Variants in TNR observed in about 807,000 individuals in gnomAD.
TNR encodes tenascin R, also known as tenascin-R.
TNR carries 45 observed loss-of-function variants against 150.4 expected under a neutral mutation model. The observed-to-expected ratio is 0.30, with a 90% CI of 0.24 to 0.38. The LOEUF is 0.38. Among genes scored for constraint, TNR ranks in the 10% least tolerant of loss-of-function variants. The pLI, the probability that TNR is intolerant of heterozygous loss-of-function variation, is 1.00. For missense variants in TNR, 1,544 were observed against 1,759.1 expected (o/e 0.88, Z 2.19); for synonymous variants, 687 against 678.4 (o/e 1.01, Z -0.20).
intron 1 of TNR, among the ~76,000 whole-genome samples, chr1:175,655,833 CT>C (rs1213643054): frequency 6.6e-6 from 1 of 152,126 alleles, no homozygotes; most frequent in Non-Finnish European, 1.5e-5. Flanking sequence ...GTTTGTCACC[CT>C]TTGGTTCTGA....
chr1:175,708,010 G>GTGTCTGTT (rs1193433869), intron 1 of TNR, among the ~76,000 whole-genome samples: 9 of 110,120 alleles, frequency 8.2e-5, no homozygotes, highest in African/African-American at 3.4e-4. Context: ...AAAGAGCCAT[G>GTGTCTGTT]TGTGTGTTTG....
At chr1:175,660,636 C>A (rs1665337330) in intron 1 of TNR, among the ~76,000 whole-genome samples, 1 of 152,124 alleles carries the variant, frequency 6.6e-6, no homozygotes, top group Non-Finnish European at 1.5e-5. Flanking sequence ...ATGGGACTCA[C>A]AAAAAATACC....
intron 1 of TNR, among the ~76,000 whole-genome samples, chr1:175,669,958 C>T (rs1013623597): frequency 1.1e-4 from 16 of 152,186 alleles, no homozygotes; most frequent in African/African-American, 2.4e-5. Flanking sequence ...GGCCCTTGGT[C>T]CTCCCCAGGG....
rs564388936 is a variant in TNR, at chr1:175,700,769, C to T, written c.-165+42457G>A. Among the ~76,000 whole-genome samples, 4 of 152,320 alleles carry T rather than the reference C, an allele frequency of 2.6e-5. No homozygotes were observed. The East Asian group carries it at 7.7e-4, about 29-fold the overall frequency. ...TCACTCCTCTGCTGACACTAGCAGA[C>T]TCTAGGTCTCCACTGAAAGGCTATT... is the stretch of plus-strand genomic sequence containing the variant. On this transcript the variant is annotated intron_variant, in intron 1 of 22. Coordinates refer to ENST00000367674, the MANE Select transcript of TNR (RefSeq NM_003285.3).
intron 2 of TNR, among the ~76,000 whole-genome samples, chr1:175,448,557 G>A (rs1656163900): frequency 6.6e-6 from 1 of 152,184 alleles, no homozygotes; most frequent in Non-Finnish European, 1.5e-5. Flanking sequence ...GCAGCTCACT[G>A]TGCTCCTCTA....
intron 1 of TNR, among the ~76,000 whole-genome samples, chr1:175,617,850 T>A (rs1558039506): frequency 6.6e-6 from 1 of 152,232 alleles, no homozygotes; most frequent in Non-Finnish European, 1.5e-5. Flanking sequence ...AAAAAATCTT[T>A]ATCTTTTCAA....
In TNR at chr1:175,335,802, G is replaced by T; in HGVS notation, c.3540C>A (p.Phe1180Leu). The change falls in exon 20 of 23, where the codon TTC becomes TTA. Residue 1180 changes from phenylalanine (F) to leucine (L), a missense_variant. Transcript: ENST00000367674. ...MTTDGGGWIVFQRRQNGQTDF... is the reference protein window; with the variant it reads ...MTTDGGGWIVLQRRQNGQTDF... ...CAGTTTGGCCATTCTGCCGCCTCTG[G>T]AATACCTATGAAGGAAATAAAAAAA... 6.2e-7 allele frequency: 1 copy of T among 1,613,178 alleles called. No individual in the cohort carries two copies. Among genetic ancestry groups the T allele is most frequent in the South Asian group, 1.1e-5 (1 of 90,902 alleles).
At chr1:175,539,365 AT>A (rs1287882967) in intron 1 of TNR, among the ~76,000 whole-genome samples, 1 of 152,232 alleles carries the variant, frequency 6.6e-6, no homozygotes, top group African/African-American at 2.4e-5. Flanking sequence ...ACCTGGAGAC[AT>A]GTCCACATGG....
At chr1:175,422,720 C>T (rs1164844782) in intron 2 of TNR, among the ~76,000 whole-genome samples, 3 of 152,166 alleles carry the variant, frequency 2.0e-5, no homozygotes, top group Non-Finnish European at 2.9e-5. Flanking sequence ...TATTATTGAC[C>T]TTGGTACCTG....
At position 175,445,056 on chromosome 1, in the gene TNR, G is replaced by A. The variant is rs778384168; in HGVS notation, c.-63-38279C>T. On this transcript the variant is annotated intron_variant, in intron 2 of 22. Coordinates refer to ENST00000367674, the MANE Select transcript of TNR (RefSeq NM_003285.3). ...GAGGCCAAGGTGGGCGGATCATAAG[G>A]TTAGGAGATTGAGACCATCCTAGCT... 1.4e-4 allele frequency among the ~76,000 whole-genome samples: 21 copies of A among 152,288 alleles called. No individual in the cohort carries two copies. The Middle Eastern group carries it at 0.01, about 74-fold the overall frequency.
chr1:175,723,244 C>T (rs1351974275), intron 1 of TNR, among the ~76,000 whole-genome samples: 1 of 152,216 alleles, frequency 6.6e-6, no homozygotes, highest in Non-Finnish European at 1.5e-5. Context: ...TTGGGAGGAA[C>T]ATGACAGAGG....
rs571623002 is a variant in TNR at position 175,614,109 on chromosome 1, C to T, written c.-164-85740G>A. Among the ~76,000 whole-genome samples the T allele has an allele frequency of 1.1e-3, 163 of 152,292 alleles. 1 individual carries two copies. Among genetic ancestry groups the T allele is most frequent in the African/African-American group, 3.8e-3 (156 of 41,538 alleles). ...GATGATGTACATAGTAGATGTTCAA[C>T]AAGTTTTAGCTATTACATCTTGCTT... On this transcript the variant is annotated intron_variant, in intron 1 of 22. Coordinates refer to ENST00000367674, the MANE Select transcript of TNR (RefSeq NM_003285.3).
intron 2 of TNR, among the ~76,000 whole-genome samples, chr1:175,460,989 G>A (rs1164669823): frequency 6.6e-6 from 1 of 152,212 alleles, no homozygotes; most frequent in Non-Finnish European, 1.5e-5. Flanking sequence ...ACACATGTAT[G>A]TGCACACACT....
intron 1 of TNR, among the ~76,000 whole-genome samples, chr1:175,699,954 T>C (rs1374535289): frequency 6.6e-6 from 1 of 151,796 alleles, no homozygotes; most frequent in East Asian, 1.9e-4. Flanking sequence ...CTTGTGTTAG[T>C]CTGGGTCCTA....
At chr1:175,436,157 T>G (rs1655498838) in intron 2 of TNR, among the ~76,000 whole-genome samples, 2 of 152,202 alleles carry the variant, frequency 1.3e-5, no homozygotes, top group African/African-American at 4.8e-5. Context: ...TGGCGTTCTC[T>G]GTATTTCCTG....
intron 1 of TNR, among the ~76,000 whole-genome samples, chr1:175,678,768 T>C (rs1665943381): frequency 6.6e-6 from 1 of 152,092 alleles, no homozygotes; most frequent in South Asian, 2.1e-4. Flanking sequence ...GAAGACCAAG[T>C]GGGAAGGCAT....
intron 2 of TNR, among the ~76,000 whole-genome samples, chr1:175,464,466 A>G (rs528688320): frequency 1.6e-4 from 24 of 152,376 alleles, no homozygotes; most frequent in South Asian, 1.4e-3. Flanking sequence ...GAAGAAATAA[A>G]GAAGCAGGGA....
intron 1 of TNR, among the ~76,000 whole-genome samples, chr1:175,737,543 A>G (rs978133839): frequency 1.3e-5 from 2 of 152,188 alleles, no homozygotes; most frequent in South Asian, 2.1e-4. Context: ...ATTCCAGCCC[A>G]GAGATGTTGC....
intron 1 of TNR, among the ~76,000 whole-genome samples, chr1:175,557,488 T>C (rs534198509): frequency 6.6e-6 from 1 of 152,136 alleles, no homozygotes; most frequent in Non-Finnish European, 1.5e-5. Context: ...TTTGCAGAAT[T>C]CCCTCTCCCC....
Sources: gnomAD v4.1 joint callset for allele counts (sites outside exome capture counted in the v4.1 genomes callset) on GRCh38, gnomAD v4.1.1 for gene constraint, MANE v1.5 for transcripts, NCBI Gene and HGNC (gene_info 2026-07-23, HGNC 2026-07-21) for gene names.